PLPPR1: variants seen among roughly 807,000 people sequenced by gnomAD.
PLPPR1 encodes phospholipid phosphatase-related protein type 1.
A neutral mutation model predicts 33.1 loss-of-function variants in PLPPR1; 10 were observed. The observed-to-expected ratio is 0.30, with a 90% confidence interval of 0.19 to 0.51. The LOEUF is 0.51. PLPPR1 is among the 20% of genes least tolerant of loss of function. PLPPR1 has a pLI of 0.97. For missense variants in PLPPR1, 304 were observed against 408.1 expected, an observed-to-expected ratio of 0.74 and a Z score of 2.20; for synonymous variants, 151 against 151.0, an observed-to-expected ratio of 1.00 and a Z score of 0.00.
intron 1 of PLPPR1, among the ~76,000 whole-genome samples, chr9:101,047,260 C>T (rs748524258): frequency 1.3e-5 from 2 of 152,088 alleles, no homozygotes; most frequent in Non-Finnish European, 2.9e-5. Context: ...TTTGCTCCTT[C>T]TAGGAAGTTC....
At chr9:101,151,310 G>A (rs112635846) in intron 1 of PLPPR1, among the ~76,000 whole-genome samples, 1 of 152,082 alleles carries the variant, frequency 6.6e-6, no homozygotes, top group African/African-American at 2.4e-5. Flanking sequence ...GTATAAGGTG[G>A]TAATATTCTC....
At chr9:101,250,314 G>A (rs966771785) in intron 2 of PLPPR1, among the ~76,000 whole-genome samples, 2 of 151,936 alleles carry the variant, frequency 1.3e-5, no homozygotes, top group Admixed American at 6.6e-5. Flanking sequence ...TGTGCATCTC[G>A]AACTGATTCC....
At chr9:101,321,203 T>C (rs553112130) in intron 7 of PLPPR1, among the ~76,000 whole-genome samples, 1 of 152,278 alleles carries the variant, frequency 6.6e-6, no homozygotes, top group Admixed American at 6.5e-5. Context: ...ACACATGAAA[T>C]CCATCCCACT....
chr9:101,291,271 A>G (rs1828499870), intron 4 of PLPPR1, among the ~76,000 whole-genome samples: 1 of 152,244 alleles, frequency 6.6e-6, no homozygotes, highest in Non-Finnish European at 1.5e-5. Context: ...TGCTTAGGTA[A>G]ACAAAGCAGC....
intron 1 of PLPPR1, among the ~76,000 whole-genome samples, chr9:101,164,036 G>T (rs1217635186): frequency 6.6e-6 from 1 of 152,206 alleles, no homozygotes; most frequent in African/African-American, 2.4e-5. Flanking sequence ...ATGCTAAAAT[G>T]AACCAATGTA....
At chr9:101,282,053 G>T (rs1171755226) in intron 3 of PLPPR1, among the ~76,000 whole-genome samples, 18 of 152,132 alleles carry the variant, frequency 1.2e-4, no homozygotes, top group Admixed American at 1.2e-3. Context: ...GAAAAGGAGG[G>T]ACTACTTCCA....
At chr9:101,066,444 T>C (rs979915567) in intron 1 of PLPPR1, among the ~76,000 whole-genome samples, 86 of 151,988 alleles carry the variant, frequency 5.7e-4, no homozygotes, top group Admixed American at 4.6e-4. Flanking sequence ...TGGGGAGTCA[T>C]GCTCCACCTT....
intron 2 of PLPPR1, among the ~76,000 whole-genome samples, chr9:101,227,227 T>C (rs923007358): frequency 1.3e-5 from 2 of 152,186 alleles, no homozygotes; most frequent in African/African-American, 2.4e-5. Flanking sequence ...CCCAATGTGA[T>C]GGTGGCTTCA....
At chr9:101,163,715 C>A (rs1825802667) in intron 1 of PLPPR1, among the ~76,000 whole-genome samples, 1 of 152,186 alleles carries the variant, frequency 6.6e-6, no homozygotes, top group South Asian at 2.1e-4. Flanking sequence ...TGGATGAGAA[C>A]ACTGTAACAG....
At chr9:101,317,339 A>T in intron 6 of PLPPR1, 26 bp from the exon 7 acceptor site, 1 of 1,607,766 alleles carries the variant, frequency 6.2e-7, no homozygotes, top group South Asian at 1.1e-5. Flanking sequence ...GTCTGACCCC[A>T]TTCTTTTTTC....
At chr9:101,061,205 G>T (rs956815564) in intron 1 of PLPPR1, among the ~76,000 whole-genome samples, 11 of 151,714 alleles carry the variant, frequency 7.3e-5, no homozygotes, top group African/African-American at 2.7e-4. Context: ...ATCTCATTTT[G>T]CCATTCTAAT....
At chr9:101,256,812 A>G (rs1827811782) in intron 2 of PLPPR1, among the ~76,000 whole-genome samples, 1 of 152,124 alleles carries the variant, frequency 6.6e-6, no homozygotes, top group South Asian at 2.1e-4. Context: ...TGGTTCAATG[A>G]TCAAGAACAG....
At chr9:101,301,580 G>A (rs1335526806) in intron 4 of PLPPR1, among the ~76,000 whole-genome samples, 1 of 152,114 alleles carries the variant, frequency 6.6e-6, no homozygotes, top group African/African-American at 2.4e-5. Flanking sequence ...TCAGCCTTTG[G>A]TGTTTGTGCA....
chr9:101,228,794 G>A (rs1156923762), intron 2 of PLPPR1, among the ~76,000 whole-genome samples: 3 of 152,012 alleles, frequency 2.0e-5, no homozygotes, highest in Admixed American at 6.6e-5. Context: ...AGAAGTTGAA[G>A]GCAACTGGAC....
chr9:101,131,324 C>T (rs150825512), intron 1 of PLPPR1, among the ~76,000 whole-genome samples: 1 of 152,210 alleles, frequency 6.6e-6, no homozygotes, highest in African/African-American at 2.4e-5. Context: ...ATATTTGAAA[C>T]CTAAGCTGAG....
rs112414263 is a variant in PLPPR1 at position 101,064,506 on chromosome 9, T to G, written c.-46+35404T>G. 1.2e-3 allele frequency among the ~76,000 whole-genome samples: 176 copies of G among 152,162 alleles called. 1 individual carries two copies. Among genetic ancestry groups the G allele is most frequent in the African/African-American group, 4.0e-3 (168 of 41,530 alleles). On this transcript the variant is annotated intron_variant, in intron 1 of 7. Transcript: ENST00000374874. ...GCTGCAGGTTTCCAAAGATCAAGTA[T>G]TCCTGTGAGCCAGTCAGAAGCACAT...
At chr9:101,175,360 T>G (rs983945928) in intron 1 of PLPPR1, among the ~76,000 whole-genome samples, 4 of 152,136 alleles carry the variant, frequency 2.6e-5, no homozygotes, top group Non-Finnish European at 5.9e-5. Flanking sequence ...TATTATATAT[T>G]GAAAACATTT....
intron 1 of PLPPR1, among the ~76,000 whole-genome samples, chr9:101,061,383 T>TTG (rs143423408): frequency 6.6e-5 from 10 of 151,440 alleles, no homozygotes; most frequent in Admixed American, 6.6e-4. Context: ...GCTCTGCAGT[T>TTG]TGTGTGTGTG....
intron 1 of PLPPR1, among the ~76,000 whole-genome samples, chr9:101,180,121 TATATATA>T (rs1333052565): frequency 1.8e-5 from 1 of 54,324 alleles, no homozygotes; most frequent in Non-Finnish European, 4.2e-5. Context: ...TATATATATA[TATATATA>T]TATATATATA....
Sources: gnomAD v4.1 joint callset for allele counts (sites outside exome capture counted in the v4.1 genomes callset) on GRCh38, gnomAD v4.1.1 for gene constraint, MANE v1.5 for transcripts, NCBI Gene and HGNC (gene_info 2026-07-23, HGNC 2026-07-21) for gene names.